Variants in TMEM120B observed in about 807,000 individuals in gnomAD.
TMEM120B encodes the protein transmembrane protein 120B.
TMEM120B carries 31 observed loss-of-function variants against 55.5 expected under a neutral mutation model. The ratio of observed to expected loss-of-function variants is 0.56; its 90% CI spans 0.42 to 0.75. The LOEUF (loss-of-function observed/expected upper bound fraction) is 0.75. Among genes scored for constraint, TMEM120B ranks in the 30% least tolerant of loss-of-function variants. TMEM120B has a pLI of 0.00. For synonymous variants in TMEM120B, 203 were observed against 176.3 expected, an observed-to-expected ratio of 1.15 and a Z score of -1.20; for missense variants, 399 against 425.5, an observed-to-expected ratio of 0.94 and a Z score of 0.55.
chr12:121,723,382 C>T (rs1894833692), intron 1 of TMEM120B, among the ~76,000 whole-genome samples: 1 of 152,072 alleles, frequency 6.6e-6, no homozygotes, highest in Admixed American at 6.6e-5. Context: ...TGCCCAGGCT[C>T]AGGTATGGGC....
intron 5 of TMEM120B, among the ~76,000 whole-genome samples, chr12:121,760,079 C>G (rs567978848): frequency 6.8e-6 from 1 of 147,160 alleles, no homozygotes; most frequent in Non-Finnish European, 1.5e-5. Context: ...TGCAGTAAGC[C>G]GAGATCACGC....
At position 121,781,693 on chromosome 12, in the gene TMEM120B, G is replaced by A. The variant is rs1874464678; in HGVS notation, c.*5971G>A. ...CCTCCCCAAAGATTCAGACCTGTGG[G>A]GCTGAGTGGGCTCATAGTGTCCCCA... On this transcript the variant is annotated 3_prime_UTR_variant, in exon 12 of 12. Coordinates refer to ENST00000449592, the MANE Select transcript of TMEM120B (RefSeq NM_001080825.2). 1 of 159,736 alleles carries A rather than the reference G, an allele frequency of 6.3e-6. No individual in the cohort carries two copies. The allele number at this position is 159,736 out of a possible 1,614,324, so 9.9% of individuals were successfully genotyped here. A position where few individuals can be genotyped will look rare whatever the true frequency, so the allele number is the denominator to read the frequency against.
At chr12:121,750,810 A>G (rs1216979967) in intron 4 of TMEM120B, among the ~76,000 whole-genome samples, 1 of 68,600 alleles carries the variant, frequency 1.5e-5, no homozygotes, top group East Asian at 4.9e-4. Context: ...CACCCCATAC[A>G]CAACACCCCA....
At chr12:121,724,030 C>CTTTTTTT (rs56972824) in intron 1 of TMEM120B, among the ~76,000 whole-genome samples, 59 of 76,008 alleles carry the variant, frequency 7.8e-4, no homozygotes, top group Middle Eastern at 0.014. Flanking sequence ...TCAAGTGATC[C>CTTTTTTT]TTTTTTTTTT....
At chr12:121,767,101 A>T (rs147371909) in intron 6 of TMEM120B, among the ~76,000 whole-genome samples, 47 of 151,894 alleles carry the variant, frequency 3.1e-4, no homozygotes, top group Non-Finnish European at 5.9e-4. Flanking sequence ...CCATTGATGC[A>T]CCTGCTCCTC....
chr12:121,734,825 A>G (rs966785628), intron 1 of TMEM120B, among the ~76,000 whole-genome samples: 1 of 152,030 alleles, frequency 6.6e-6, no homozygotes, highest in Admixed American at 6.6e-5. Flanking sequence ...AGGCAGGAGA[A>G]TCACTTGAAC....
intron 1 of TMEM120B, among the ~76,000 whole-genome samples, chr12:121,738,205 G>A (rs1053203233): frequency 6.6e-6 from 1 of 152,020 alleles, no homozygotes; most frequent in African/African-American, 2.4e-5. Context: ...GTTGCAGTGA[G>A]CCGAGATTGC....
chr12:121,739,346 A>G (rs1188994869), intron 1 of TMEM120B, among the ~76,000 whole-genome samples: 1 of 152,164 alleles, frequency 6.6e-6, no homozygotes. Context: ...AGAGACAGTT[A>G]GCAAAATTTG....
chr12:121,739,798 CTTTT>C (rs200085137), intron 1 of TMEM120B, among the ~76,000 whole-genome samples: 3 of 99,208 alleles, frequency 3.0e-5, no homozygotes, highest in Admixed American at 1.1e-4. Context: ...TGCAACACTT[CTTTT>C]TTTTTTTTTT....
At chr12:121,715,889 C>T (rs1337164551) in intron 1 of TMEM120B, among the ~76,000 whole-genome samples, 1 of 151,464 alleles carries the variant, frequency 6.6e-6, no homozygotes, top group African/African-American at 2.4e-5. Context: ...CTCACGTTCC[C>T]CTTCATGTTA....
At chr12:121,768,089 A>C (rs1222751586) in intron 6 of TMEM120B, among the ~76,000 whole-genome samples, 1 of 152,190 alleles carries the variant, frequency 6.6e-6, no homozygotes. Context: ...TTTGGAGCCC[A>C]GGGGCTTCTT....
At chr12:121,739,094 G>A (rs1872839400) in intron 1 of TMEM120B, among the ~76,000 whole-genome samples, 2 of 152,140 alleles carry the variant, frequency 1.3e-5, no homozygotes, top group Non-Finnish European at 2.9e-5. Flanking sequence ...GGCTGAGGCA[G>A]GAGAATTGCT....
chr12:121,775,231 G>A lies in TMEM120B; in HGVS notation c.906+101G>A, dbSNP rs1286038983. On this transcript the variant is annotated intron_variant, in intron 11 of 11. Coordinates refer to ENST00000449592, the MANE Select transcript of TMEM120B (RefSeq NM_001080825.2). This position sits in a 1 kb window ranked among gnomAD's most constrained non-coding sequence, Gnocchi z 4.3. Reference sequence around the variant, plus strand: ...ATGCTGGGGTGCGGATTCCTGGGGAGGGCTGGGATGGCAGATGTGGGGGTG... The same window carrying A: ...ATGCTGGGGTGCGGATTCCTGGGGAAGGCTGGGATGGCAGATGTGGGGGTG... 1 of 1,195,486 alleles carries A rather than the reference G, an allele frequency of 8.4e-7. No individual in the cohort carries two copies. The highest frequency in any genetic ancestry group is 1.2e-6 in the Non-Finnish European group (1 of 867,142). 74.1% of individuals were successfully genotyped at this position (1,195,486 alleles called of 1,614,324 possible). A position where few individuals can be genotyped will look rare whatever the true frequency, so the allele number is the denominator to read the frequency against.
chr12:121,716,690 G>C (rs1250422450), intron 1 of TMEM120B, among the ~76,000 whole-genome samples: 1 of 151,090 alleles, frequency 6.6e-6, no homozygotes, highest in Non-Finnish European at 1.5e-5. Context: ...AGCCTCCTGA[G>C]TAGCTGGGAT....
chr12:121,753,215 A>C (rs1366842048), intron 5 of TMEM120B, among the ~76,000 whole-genome samples: 2 of 152,176 alleles, frequency 1.3e-5, no homozygotes, highest in African/African-American at 4.8e-5. Flanking sequence ...TCACAAAAAG[A>C]TACACAGTAG....
chr12:121,728,921 C>G (rs374989284), intron 1 of TMEM120B, among the ~76,000 whole-genome samples: 5 of 152,332 alleles, frequency 3.3e-5, no homozygotes, highest in African/African-American at 1.2e-4. Context: ...TCTTTCTCAG[C>G]AGTTCTCATA....
intron 1 of TMEM120B, among the ~76,000 whole-genome samples, chr12:121,721,379 A>G (rs1215969783): frequency 6.6e-6 from 1 of 151,750 alleles, no homozygotes; most frequent in Non-Finnish European, 1.5e-5. Flanking sequence ...GGGTTTTGTC[A>G]TGTTGCCCAG....
intron 2 of TMEM120B, among the ~76,000 whole-genome samples, chr12:121,744,687 C>T (rs916886908): frequency 6.6e-6 from 1 of 152,186 alleles, no homozygotes; most frequent in African/African-American, 2.4e-5. Context: ...ATGCCGTGAC[C>T]CCATTGTCAG....
intron 5 of TMEM120B, among the ~76,000 whole-genome samples, chr12:121,760,986 TG>T (rs1798433140): frequency 6.6e-6 from 1 of 152,046 alleles, no homozygotes; most frequent in Non-Finnish European, 1.5e-5. Flanking sequence ...CCCATTCTTT[TG>T]TTTTTTTTTG....
Sources: allele counts gnomAD v4.1 joint callset (sites outside exome capture counted in the v4.1 genomes callset), GRCh38; gene constraint gnomAD v4.1.1; non-coding constraint Gnocchi (gnomAD v3.1); transcripts MANE v1.5; gene names NCBI Gene and HGNC (gene_info 2026-07-23, HGNC 2026-07-21).